ATRX: variants seen among roughly 807,000 people sequenced by gnomAD.
ATRX encodes chromatin remodeler ATRX.
Under a neutral mutation model 172.6 loss-of-function variants are expected in ATRX, and 12 were observed. The ratio of observed to expected loss-of-function variants is 0.07; its 90% CI spans 0.04 to 0.11. The LOEUF (loss-of-function observed/expected upper bound fraction) is 0.11, where lower values mean the gene tolerates loss of function less well. ATRX is among the 10% of genes least tolerant of loss of function. The probability of loss-of-function intolerance (pLI) is 1.00; values close to 1 mark genes in which losing one functional copy is unlikely to be tolerated. For synonymous variants in ATRX, 674 were observed against 594.7 expected (o/e 1.13, Z -1.94); for missense variants, 1,368 against 1,767.4 (o/e 0.77, Z 4.05).
At position 77,682,477 on chromosome X, in the gene ATRX, T is replaced by C; in HGVS notation, c.2779A>G (p.Lys927Glu). Residue 927 changes from lysine (K) to glutamate (E), a missense_variant, in exon 9 of 35, where the codon AAA (lysine) becomes GAA (glutamate). This residue lies in a region of ATRX where 843 missense variants were observed against 643.1 expected (regional missense o/e 1.31). Transcript: ENST00000373344. Reference protein sequence around the residue: ...STDGVDKLSGKEESFTSLEVR... With the variant: ...STDGVDKLSGEEESFTSLEVR... ...TCCAAAGAAGTAAAACTCTCCTCTT[T>C]CCCAGAAAGCTTATCGACACCATCA... 1 of 1,211,632 alleles carries C rather than the reference T, an allele frequency of 8.3e-7. No homozygotes were observed. The highest frequency in any genetic ancestry group is 1.7e-5 in the African/African-American group (1 of 57,816).
At chrX:77,628,923 T>A (rs1385153396) in intron 19 of ATRX, among the ~76,000 whole-genome samples, 1 of 112,356 alleles carries the variant, frequency 8.9e-6, no homozygotes, top group Non-Finnish European at 1.9e-5. Flanking sequence ...CTTGTCACTT[T>A]AAGCTACTAA....
intron 30 of ATRX, among the ~76,000 whole-genome samples, chrX:77,546,951 T>C (rs1408804032): frequency 8.9e-6 from 1 of 112,146 alleles, no homozygotes. Context: ...ATACTTGCTA[T>C]GTGCTATATT....
chrX:77,670,493 G>A (rs891477374), intron 10 of ATRX, among the ~76,000 whole-genome samples: 1 of 112,127 alleles, frequency 8.9e-6, no homozygotes, highest in African/African-American at 3.2e-5. Context: ...GATGGCTCAC[G>A]CCTGTAATCC....
intron 30 of ATRX, among the ~76,000 whole-genome samples, chrX:77,546,993 A>G (rs2064267712): frequency 8.9e-6 from 1 of 112,014 alleles, no homozygotes; most frequent in Non-Finnish European, 1.9e-5. Context: ...GGATAGAGTG[A>G]TGAAGATGCA....
Position 77,681,707 on chromosome X carries a change from C to G in ATRX, c.3549G>C (p.Glu1183Asp), listed in dbSNP as rs782086273. The part of the protein sequence containing the change: ...SSKKKAVIVK[E>D]KKRNSLRTST... ...TTGTTCTTAGGGAGTTTCTCTTTTT[C>G]TCCTTGACAATGACTGCCTTCTTTT... The change falls in exon 9 of 35, where the codon GAG becomes GAC. Residue 1183 changes from glutamate to aspartate, a missense_variant. Glu to Asp is a conservative substitution (Grantham distance 45). Coordinates refer to ENST00000373344, the MANE Select transcript of ATRX (RefSeq NM_000489.6). The G allele has an allele frequency of 5.8e-6, 7 of 1,207,989 alleles. No individual in the cohort carries two copies. The highest frequency in any genetic ancestry group is 6.7e-6 in the Non-Finnish European group (6 of 894,516).
rs139633145 is a variant in ATRX, at chrX:77,777,370, G to C, written c.20+8612C>G. Among the ~76,000 whole-genome samples the C allele has an allele frequency of 1.6e-3, 171 of 107,303 alleles. 2 individuals are homozygous for C. In the East Asian group the frequency reaches 0.041, roughly 26 times the overall value. 93.2% of individuals were successfully genotyped at this position (107,303 alleles called of 115,157 possible). A position where few individuals can be genotyped will look rare whatever the true frequency, so the allele number is the denominator to read the frequency against. Reference sequence around the variant, plus strand: ...CACTCCAGCCTGGGCGACAGAGCAAGACTCCGTCTCAACAAAACAAAACAA... The same window carrying C: ...CACTCCAGCCTGGGCGACAGAGCAACACTCCGTCTCAACAAAACAAAACAA... On this transcript the variant is annotated intron_variant, in intron 1 of 34. Coordinates refer to ENST00000373344, the MANE Select transcript of ATRX (RefSeq NM_000489.6).
intron 18 of ATRX, 65 bp downstream of exon 18, chrX:77,633,501 A>G (rs1276714586): frequency 8.9e-7 from 1 of 1,123,513 alleles, no homozygotes; most frequent in East Asian, 3.1e-5. Flanking sequence ...AAAAAATTAA[A>G]AATAGTTTAC....
intron 5 of ATRX, among the ~76,000 whole-genome samples, chrX:77,696,289 C>A (rs2072183016): frequency 9.0e-6 from 1 of 111,623 alleles, no homozygotes; most frequent in Non-Finnish European, 1.9e-5. Context: ...ATTTTTAAAC[C>A]TGCTTACACA....
intron 30 of ATRX, among the ~76,000 whole-genome samples, chrX:77,528,055 G>A (rs1401496069): frequency 2.9e-5 from 3 of 102,196 alleles, no homozygotes; most frequent in Non-Finnish European, 6.0e-5. Flanking sequence ...GGGGTGGGGG[G>A]CGGCTGATAT....
chrX:77,573,461 T>C (rs1557068701), intron 28 of ATRX, among the ~76,000 whole-genome samples: 1 of 111,768 alleles, frequency 8.9e-6, no homozygotes, highest in African/African-American at 3.2e-5. Flanking sequence ...AGCTTGATTT[T>C]GTCAATTACT....
At chrX:77,542,822 A>C (rs918867702) in intron 30 of ATRX, among the ~76,000 whole-genome samples, 1 of 112,346 alleles carries the variant, frequency 8.9e-6, no homozygotes, top group Non-Finnish European at 1.9e-5. Context: ...TTAAGTCAAT[A>C]TGGATTAAAG....
rs973120024 is a variant in ATRX at position 77,532,591 on chromosome X, T to C, written c.6700-9190A>G. ...GTGCTAGGAGAACAGGCAAGCCATA[T>C]GCAGAAAACTGAAACTAGAATCCTT... On this transcript the variant is annotated intron_variant, in intron 30 of 34. Coordinates refer to ENST00000373344, the MANE Select transcript of ATRX (RefSeq NM_000489.6). Among the ~76,000 whole-genome samples, 6 of 112,070 alleles carry C rather than the reference T, an allele frequency of 5.4e-5. No homozygotes were observed. In the Admixed American group the frequency reaches 5.7e-4, roughly 11 times the overall value.
chrX:77,588,120 A>G (rs990236968), intron 27 of ATRX, among the ~76,000 whole-genome samples: 18 of 112,375 alleles, frequency 1.6e-4, no homozygotes, highest in Admixed American at 3.8e-4. Flanking sequence ...GGAAACAAAC[A>G]TGTGTCTCCA....
chrX:77,632,416 G>A (rs1396265142), intron 19 of ATRX, among the ~76,000 whole-genome samples: 1 of 111,013 alleles, frequency 9.0e-6, no homozygotes, highest in Admixed American at 9.6e-5. Context: ...CTATTTAATC[G>A]TGGGAAAGAG....
At chrX:77,570,121 C>T (rs1292106908) in intron 28 of ATRX, among the ~76,000 whole-genome samples, 3 of 110,225 alleles carry the variant, frequency 2.7e-5, no homozygotes, top group Non-Finnish European at 5.7e-5. Context: ...CAAGTATAGC[C>T]AACTGATTTT....
chrX:77,655,722 T>C (rs2069511563), intron 13 of ATRX, among the ~76,000 whole-genome samples: 1 of 109,671 alleles, frequency 9.1e-6, no homozygotes, highest in South Asian at 3.9e-4. Context: ...AAACCTCTCA[T>C]CATATCTTAT....
intron 9 of ATRX, among the ~76,000 whole-genome samples, chrX:77,679,294 T>A (rs781849606): frequency 5.5e-4 from 61 of 110,737 alleles, no homozygotes; most frequent in Non-Finnish European, 1.1e-3. Context: ...GTAAAGAAAA[T>A]CTCAACAAGG....
At chrX:77,634,556 C>T (rs2148348758) in intron 17 of ATRX, 38 bp downstream of exon 17, 1 of 1,093,455 alleles carries the variant, frequency 9.1e-7, no homozygotes, top group Non-Finnish European at 1.3e-6. Flanking sequence ...TTAATGAATC[C>T]ACAAAAACAG....
rs782794573 is a variant in ATRX, at chrX:77,543,330, G to T, written c.6699+14121C>A. On this transcript the variant is annotated intron_variant, in intron 30 of 34. Coordinates refer to ENST00000373344, the MANE Select transcript of ATRX (RefSeq NM_000489.6). ...CAACAGGTGCTGGAGAGGATGTGGA[G>T]AAATAGGAATGCTTTTACACTGTTG... Among the ~76,000 whole-genome samples, 4 of 112,093 alleles carry T rather than the reference G, an allele frequency of 3.6e-5. No homozygotes were observed. In the South Asian group the frequency reaches 1.5e-3, roughly 42 times the overall value.
Sources: gnomAD v4.1 joint callset for allele counts (sites outside exome capture counted in the v4.1 genomes callset) on GRCh38, gnomAD v4.1.1 for gene constraint, gnomAD v4.1.1 regional missense constraint, MANE v1.5 for transcripts, NCBI Gene and HGNC (gene_info 2026-07-23, HGNC 2026-07-21) for gene names.